Variants in TMEM165 observed in about 807,000 individuals in gnomAD.
TMEM165 encodes putative divalent cation/proton antiporter TMEM165.
Under a neutral mutation model 30.0 loss-of-function variants are expected in TMEM165, and 19 were observed. The observed-to-expected ratio is 0.63, with a 90% CI of 0.44 to 0.93. TMEM165 has a LOEUF of 0.93. Among genes scored for constraint, TMEM165 ranks in the 40% least tolerant of loss-of-function variants. The pLI is 0.00. For missense variants in TMEM165, 340 were observed against 417.0 expected (o/e 0.82, Z 1.61); for synonymous variants, 168 against 162.9 (o/e 1.03, Z -0.24).
At chr4:55,398,600 A>G (rs1720825234) in intron 1 of TMEM165, among the ~76,000 whole-genome samples, 1 of 152,078 alleles carries the variant, frequency 6.6e-6, no homozygotes, top group Non-Finnish European at 1.5e-5. Flanking sequence ...TTTTTTGGGA[A>G]CTTTATTGTG....
intron 1 of TMEM165, among the ~76,000 whole-genome samples, chr4:55,402,165 T>TA (rs2109523477): frequency 7.1e-6 from 1 of 141,568 alleles, no homozygotes; most frequent in South Asian, 2.2e-4. Context: ...TTCAAGTGCA[T>TA]AAATACATTA....
chr4:55,396,367 G>T lies in TMEM165; in HGVS notation c.178G>T (p.Val60Leu). 1 of 1,505,680 alleles carries T rather than the reference G, an allele frequency of 6.6e-7. No homozygotes were observed. The highest frequency in any genetic ancestry group is 8.8e-7 in the Non-Finnish European group (1 of 1,132,488). The allele number at this position is 1,505,680 out of a possible 1,614,324, so 93.3% of individuals were successfully genotyped here. A position where few individuals can be genotyped will look rare whatever the true frequency, so the allele number is the denominator to read the frequency against. Residue 60 changes from valine (V) to leucine (L), a missense_variant, in exon 1 of 6, where the codon GTG becomes TTG. Around this residue, in one of 2 missense-constraint regions of TMEM165, gnomAD observed 120 missense variants for 109.4 expected, o/e 1.10. Transcript: ENST00000381334. ...AQQLQPQPVAVQGPEPARVEK... is the reference protein window; with the variant it reads ...AQQLQPQPVALQGPEPARVEK... ...GCAGCTGCAGCCGCAGCCTGTGGCT[G>T]TGCAGGGCCCCGAGCCGGCCCGGGT... is the stretch of plus-strand genomic sequence containing the variant.
At chr4:55,415,484 C>A (rs563733984) in intron 2 of TMEM165, 3 of 152,076 alleles carry the variant, frequency 2.0e-5, no homozygotes, top group South Asian at 4.2e-4. Flanking sequence ...CTTTGAGGAG[C>A]TTTTTAGGGG....
At position 55,396,256 on chromosome 4, in the gene TMEM165, C is replaced by A. The variant is rs865934758; in HGVS notation, c.67C>A (p.Pro23Thr). 1 of 1,515,306 alleles carries A rather than the reference C, an allele frequency of 6.6e-7. No individual in the cohort carries two copies. Among genetic ancestry groups the A allele is most frequent in the Non-Finnish European group, 8.8e-7 (1 of 1,138,490 alleles). 93.9% of individuals were successfully genotyped at this position (1,515,306 alleles called of 1,614,324 possible). Residue 23 changes from proline to threonine, a missense_variant, in exon 1 of 6, where the codon CCG (proline) becomes ACG (threonine). Physicochemically the swap from Pro to Thr is conservative, Grantham distance 38. Transcript: ENST00000381334. ...APRLLLLFLV[P>T]LLWAPAAVRA... The stretch of plus-strand genomic sequence containing the variant: ...CCGGCTGCTTCTGCTCTTTCTGGTT[C>A]CGCTGCTGTGGGCCCCGGCTGCGGT...
intron 2 of TMEM165, 88 bp from the exon 3 acceptor site, chr4:55,416,984 C>G (rs544441150): frequency 8.5e-7 from 1 of 1,178,172 alleles, no homozygotes; most frequent in South Asian, 1.6e-5. Context: ...TTTCTTTTAA[C>G]AGTGATAAAT....
At position 55,402,124 on chromosome 4, in the gene TMEM165, A is replaced by AAAAAAAAAAAAAAAAAGAAAC. The variant is rs1553885133; in HGVS notation, c.207+5735_207+5736insAAAAAAAAAGAAACAAAAAAA. ...CAAGAGCAAAACTCTGTCTCCAAAA[A>AAAAAAAAAAAAAAAAAGAAAC]AAAAAAAGAAACTAAACACATTTAA... is the stretch of plus-strand genomic sequence containing the variant. On this transcript the variant is annotated intron_variant, in intron 1 of 5. Coordinates refer to ENST00000381334, the MANE Select transcript of TMEM165 (RefSeq NM_018475.5). 2.0e-5 allele frequency among the ~76,000 whole-genome samples: 3 copies of AAAAAAAAAAAAAAAAAGAAAC among 147,248 alleles called. 1 individual carries two copies. Among genetic ancestry groups the AAAAAAAAAAAAAAAAAGAAAC allele is most frequent in the African/African-American group, 7.9e-5 (3 of 37,982 alleles).
At chr4:55,446,354 C>G (rs1723851019) in intron 3 of TMEM165, among the ~76,000 whole-genome samples, 1 of 152,040 alleles carries the variant, frequency 6.6e-6, no homozygotes, top group South Asian at 2.1e-4. Flanking sequence ...CCATGCCCAG[C>G]CTTATTTAAC....
chr4:55,420,129 ATTT>A lies in TMEM165; in HGVS notation c.792+2145_792+2147del, dbSNP rs1721910497. The stretch of plus-strand genomic sequence containing the variant: ...AAAATATATATATATATACATATAT[ATTT>A]ATTTATTTATTTATTTTATTTATTT... On this transcript the variant is annotated intron_variant, in intron 4 of 5. Coordinates refer to ENST00000381334, the MANE Select transcript of TMEM165 (RefSeq NM_018475.5). Among the ~76,000 whole-genome samples the A allele has an allele frequency of 2.0e-4, 8 of 40,396 alleles. No homozygotes were observed. In the South Asian group the frequency reaches 0.017, roughly 85 times the overall value. 26.5% of individuals were successfully genotyped at this position (40,396 alleles called of 152,430 possible).
chr4:55,449,523 T>C, intron 3 of TMEM165: 1 of 1,524,456 alleles, frequency 6.6e-7, no homozygotes, highest in Non-Finnish European at 9.1e-7. Flanking sequence ...CAGAAGAGCA[T>C]TAGTACTTTA....
chr4:55,434,751 G>C (rs984752139), intron 3 of TMEM165: 1 of 155,186 alleles, frequency 6.4e-6, no homozygotes, highest in African/African-American at 2.4e-5. Context: ...GTTTGCACAT[G>C]GTGTCAGAAT....
intron 3 of TMEM165, chr4:55,444,038 ATAAG>A (rs535756469): frequency 4.4e-5 from 29 of 658,486 alleles, no homozygotes; most frequent in Admixed American, 5.7e-5. Flanking sequence ...TTAGCAATAA[ATAAG>A]TAGTGAATAA....
rs142684096 is a variant in TMEM165 at position 55,443,758 on chromosome 4, T to C, written c.409-8481T>C. The C allele has an allele frequency of 3.5e-5, 56 of 1,613,998 alleles. No homozygotes were observed. The African/African-American group carries it at 6.5e-4, about 19-fold the overall frequency. ...GTTGTGCCAATGTGTCCAGTATTCA[T>C]TCCACTTTGAATCTGGTTAGTAGGA... On this transcript the variant is annotated intron_variant, in intron 3 of 3. Coordinates refer to the TMEM165 transcript ENST00000608091.
chr4:55,415,138 A>C (rs1251868117), intron 2 of TMEM165: 1 of 152,236 alleles, frequency 6.6e-6, no homozygotes, highest in Non-Finnish European at 1.5e-5. Context: ...TTGCAAAATG[A>C]TGCTTTTAAT....
rs902704835 is a variant in TMEM165 at position 55,409,464 on chromosome 4, T to C, written c.208-2150T>C. ...AGCTTAAAAAATTAAAAATAAGTTA[T>C]TAGGATTGGAAGAGACCTTTGGAAG... On this transcript the variant is annotated intron_variant, in intron 1 of 5. Transcript: ENST00000381334. Among the ~76,000 whole-genome samples the C allele has an allele frequency of 2.0e-5, 3 of 152,110 alleles. No individual in the cohort carries two copies. The South Asian group carries it at 6.2e-4, about 32-fold the overall frequency.
At chr4:55,413,807 CGTT>C (rs1721611109) in intron 2 of TMEM165, among the ~76,000 whole-genome samples, 4 of 152,248 alleles carry the variant, frequency 2.6e-5, no homozygotes, top group Non-Finnish European at 4.4e-5. Flanking sequence ...TATATATACA[CGTT>C]GTTTACATAC....
At chr4:55,426,606 C>T (rs965207548), downstream of TMEM165, among the ~76,000 whole-genome samples, 3 of 152,190 alleles carry the variant, frequency 2.0e-5, no homozygotes, top group Admixed American at 6.5e-5. Flanking sequence ...TTAATAGCCT[C>T]ACTAAATTGA....
At chr4:55,406,874 C>T (rs1344786703) in intron 1 of TMEM165, among the ~76,000 whole-genome samples, 1 of 152,120 alleles carries the variant, frequency 6.6e-6, no homozygotes, top group African/African-American at 2.4e-5. Flanking sequence ...GTTGCCCAGG[C>T]TGGTCTTGAA....
intron 5 of TMEM165, 43 bp downstream of exon 5, chr4:55,424,686 CTG>C (rs112969727): frequency 2.3e-6 from 3 of 1,279,828 alleles, no homozygotes; most frequent in African/African-American, 1.5e-5. Context: ...TTTAGAATCA[CTG>C]AGAGATTAAA....
intron 1 of TMEM165, among the ~76,000 whole-genome samples, chr4:55,401,968 A>G (rs1423417604): frequency 6.7e-6 from 1 of 149,552 alleles, no homozygotes; most frequent in Non-Finnish European, 1.5e-5. Context: ...AATACAAAAA[A>G]TTAGCTGGGC....
Sources: gnomAD v4.1 joint callset for allele counts (sites outside exome capture counted in the v4.1 genomes callset) on GRCh38, gnomAD v4.1.1 for gene constraint, gnomAD v4.1.1 regional missense constraint, MANE v1.5 for transcripts, NCBI Gene and HGNC (gene_info 2026-07-23, HGNC 2026-07-21) for gene names.